SMC1A: variants seen among roughly 807,000 people sequenced by gnomAD.
SMC1A encodes structural maintenance of chromosomes 1A.
In SMC1A, 4 loss-of-function variants were observed where a neutral mutation model predicts 94.5. The observed-to-expected ratio is 0.04, with a 90% CI of 0.02 to 0.10. The LOEUF is 0.10. Among genes scored for constraint, SMC1A ranks in the 10% least tolerant of loss-of-function variants. The pLI is 1.00. For missense variants in SMC1A, 304 were observed against 989.0 expected, an observed-to-expected ratio of 0.31 and a Z score of 9.29; for synonymous variants, 345 against 347.7, an observed-to-expected ratio of 0.99 and a Z score of 0.09.
chrX:53,386,416 T>C (rs1220760814), intron 19 of SMC1A, among the ~76,000 whole-genome samples: 1 of 111,963 alleles, frequency 8.9e-6, no homozygotes, highest in Non-Finnish European at 1.9e-5. Context: ...CTAGAGAAAT[T>C]CAAATATGGG....
chrX:53,404,194 TTTAG>T, intron 13 of SMC1A, among the ~76,000 whole-genome samples: 1 of 111,087 alleles, frequency 9.0e-6, no homozygotes, highest in African/African-American at 3.3e-5. Flanking sequence ...CAGAATTCAG[TTTAG>T]ATTTTTTGAG....
At chrX:53,394,008 G>T (rs1464128392) in intron 19 of SMC1A, among the ~76,000 whole-genome samples, 1 of 109,111 alleles carries the variant, frequency 9.2e-6, no homozygotes, top group Non-Finnish European at 1.9e-5. Flanking sequence ...AATTAGCTGG[G>T]CATGATGGCG....
chrX:53,418,797 C>T (rs781998986), intron 1 of SMC1A, among the ~76,000 whole-genome samples: 1 of 111,350 alleles, frequency 9.0e-6, no homozygotes, highest in African/African-American at 3.2e-5. Context: ...AATCCCAGCA[C>T]TTTGAAAGGC....
At chrX:53,394,713 C>T (rs1466959750) in intron 19 of SMC1A, 65 bp downstream of exon 19, 1 of 694,100 alleles carries the variant, frequency 1.4e-6, no homozygotes, top group African/African-American at 2.1e-5. Flanking sequence ...CTCTGGACAA[C>T]TAGGAAGATA....
chrX:53,393,041 T>C (rs2075635729), intron 19 of SMC1A, among the ~76,000 whole-genome samples: 2 of 112,127 alleles, frequency 1.8e-5, no homozygotes, highest in Non-Finnish European at 3.8e-5. Context: ...TGTTGAACAC[T>C]GGTCAATGTT....
intron 19 of SMC1A, among the ~76,000 whole-genome samples, chrX:53,394,244 G>C (rs781853008): frequency 9.1e-6 from 1 of 110,425 alleles, no homozygotes; most frequent in South Asian, 3.9e-4. Context: ...GTGAAAGAGG[G>C]AGAAGTCAAG....
At chrX:53,402,195 T>C (rs1159237143) in intron 15 of SMC1A, among the ~76,000 whole-genome samples, 1 of 111,118 alleles carries the variant, frequency 9.0e-6, no homozygotes, top group Non-Finnish European at 1.9e-5. Flanking sequence ...GAATATTTAC[T>C]GTATGGGCAA....
At chrX:53,390,994 A>G (rs1556887182) in intron 19 of SMC1A, among the ~76,000 whole-genome samples, 1 of 98,319 alleles carries the variant, frequency 1.0e-5, no homozygotes. Flanking sequence ...AAAAAAAAAA[A>G]AAAGAAAAAG....
intron 1 of SMC1A, among the ~76,000 whole-genome samples, chrX:53,418,242 C>T (rs1556891544): frequency 8.9e-6 from 1 of 112,461 alleles, no homozygotes; most frequent in Non-Finnish European, 1.9e-5. Flanking sequence ...TCAAGTGATT[C>T]TCCTGCCTCA....
intron 16 of SMC1A, among the ~76,000 whole-genome samples, chrX:53,397,736 G>A (rs1556888247): frequency 8.9e-6 from 1 of 111,797 alleles, no homozygotes; most frequent in Non-Finnish European, 1.9e-5. Context: ...GTAGATAGGA[G>A]TTCTTTGTAC....
At chrX:53,402,695 T>A (rs1381966303) in intron 15 of SMC1A, among the ~76,000 whole-genome samples, 1 of 102,547 alleles carries the variant, frequency 9.8e-6, no homozygotes, top group African/African-American at 3.6e-5. Flanking sequence ...AAACCCCATC[T>A]CTACTAATAA....
At chrX:53,405,988 T>C in intron 9 of SMC1A, 32 bp from the exon 10 acceptor site, 2 of 1,175,046 alleles carry the variant, frequency 1.7e-6, no homozygotes, top group Admixed American at 2.2e-5. Context: ...AACTGAAGTA[T>C]GAAGCTTTTG....
At position 53,421,977 on chromosome X, in the gene SMC1A, C is replaced by T. The variant is rs1475890332; in HGVS notation, c.109+515G>A. The T allele has an allele frequency of 5.8e-6, 7 of 1,207,659 alleles. No homozygotes were observed. In the African/African-American group the frequency reaches 1.1e-4, roughly 18 times the overall value. On this transcript the variant is annotated intron_variant, in intron 1 of 24. Coordinates refer to ENST00000322213, the MANE Select transcript of SMC1A (RefSeq NM_006306.4). ...CGCTGGGTCTGAAATTCAAAAGTGC[C>T]GCCTCCAGAGAAGAGTAGAAAGGAG...
At chrX:53,416,650 A>C (rs2075733530) in intron 1 of SMC1A, among the ~76,000 whole-genome samples, 1 of 110,828 alleles carries the variant, frequency 9.0e-6, no homozygotes, top group South Asian at 3.9e-4. Context: ...TCGGCCTCCC[A>C]AAGTGCTGGG....
At chrX:53,393,539 T>C (rs1556887571) in intron 19 of SMC1A, among the ~76,000 whole-genome samples, 3 of 111,740 alleles carry the variant, frequency 2.7e-5, no homozygotes, top group Non-Finnish European at 5.6e-5. Flanking sequence ...AATATTATGG[T>C]TGTTTTTCTT....
At chrX:53,399,318 G>C (rs782524344) in intron 16 of SMC1A, among the ~76,000 whole-genome samples, 17 of 112,508 alleles carry the variant, frequency 1.5e-4, no homozygotes, top group African/African-American at 5.2e-4. Flanking sequence ...CATTTTCCAC[G>C]ATGTGTTACA....
chrX:53,385,294 G>A (rs1400839628), intron 19 of SMC1A, among the ~76,000 whole-genome samples: 1 of 96,869 alleles, frequency 1.0e-5, no homozygotes, highest in South Asian at 5.0e-4. Flanking sequence ...TTTTTGAGAC[G>A]GAGTCTTCCT....
chrX:53,413,829 C>G (rs2075722173), intron 3 of SMC1A, among the ~76,000 whole-genome samples: 1 of 111,304 alleles, frequency 9.0e-6, no homozygotes, highest in Admixed American at 9.6e-5. Context: ...GTAATCCCAG[C>G]ACTTTGGGAG....
chrX:53,386,653 TGTG>T (rs2075605510), intron 19 of SMC1A, among the ~76,000 whole-genome samples: 1 of 110,978 alleles, frequency 9.0e-6, no homozygotes, highest in African/African-American at 3.3e-5. Context: ...AAAAAGCAAA[TGTG>T]GTAAAATATT....
Sources: allele counts gnomAD v4.1 joint callset (sites outside exome capture counted in the v4.1 genomes callset), GRCh38; gene constraint gnomAD v4.1.1; transcripts MANE v1.5; gene names NCBI Gene and HGNC (gene_info 2026-07-23, HGNC 2026-07-21).